The following PRKCE variants were observed in gnomAD, a reference collection of about 807,000 sequenced individuals.
PRKCE encodes protein kinase C epsilon type.
A neutral mutation model predicts 85.4 loss-of-function variants in PRKCE; 16 were observed. That is an observed-to-expected ratio of 0.19 (90% CI 0.13 to 0.28). The LOEUF is 0.28. Ranked by LOEUF, PRKCE falls within the 10% of genes least tolerant of loss-of-function variation. The pLI, the probability that PRKCE is intolerant of heterozygous loss-of-function variation, is 1.00. For synonymous variants in PRKCE, 388 were observed against 371.5 expected (o/e 1.04, Z -0.51); for missense variants, 573 against 975.2 (o/e 0.59, Z 5.49).
chr2:45,831,681 A>G (rs1448862853), intron 1 of PRKCE, among the ~76,000 whole-genome samples: 1 of 152,242 alleles, frequency 6.6e-6, no homozygotes, highest in Non-Finnish European at 1.5e-5. Flanking sequence ...ATAAGAAATC[A>G]GGAAATTGAG....
intron 10 of PRKCE, among the ~76,000 whole-genome samples, chr2:46,017,946 T>G (rs1163113871): frequency 6.6e-6 from 1 of 152,202 alleles, no homozygotes; most frequent in Admixed American, 6.5e-5. Context: ...TGTCCTCCTG[T>G]CCAAATTCTC....
At chr2:46,054,362 G>C (rs1435356970) in intron 10 of PRKCE, among the ~76,000 whole-genome samples, 1 of 152,192 alleles carries the variant, frequency 6.6e-6, no homozygotes, top group Non-Finnish European at 1.5e-5. Flanking sequence ...GACATTAAGT[G>C]ATTCCTTCAA....
chr2:45,701,930 C>A (rs1160807311), intron 1 of PRKCE, among the ~76,000 whole-genome samples: 1 of 152,188 alleles, frequency 6.6e-6, no homozygotes, highest in African/African-American at 2.4e-5. Context: ...CGGTGGCTCA[C>A]ACCTGTAATC....
At chr2:45,830,235 C>G (rs897235236) in intron 1 of PRKCE, among the ~76,000 whole-genome samples, 2 of 151,974 alleles carry the variant, frequency 1.3e-5, no homozygotes, top group African/African-American at 4.8e-5. Flanking sequence ...CCATCTAACC[C>G]TATGGCACAT....
chr2:46,029,678 C>G (rs954957405), intron 10 of PRKCE, among the ~76,000 whole-genome samples: 2 of 128,722 alleles, frequency 1.6e-5, no homozygotes, highest in East Asian at 2.0e-4. Context: ...GGTTTGTCGT[C>G]GTATGGGTTT....
At chr2:46,022,633 A>G (rs1311860872) in intron 10 of PRKCE, among the ~76,000 whole-genome samples, 1 of 152,254 alleles carries the variant, frequency 6.6e-6, no homozygotes, top group African/African-American at 2.4e-5. Flanking sequence ...GTTATTTTAC[A>G]TCAGGGTTCC....
At chr2:45,857,435 G>T (rs1692766732) in intron 2 of PRKCE, among the ~76,000 whole-genome samples, 1 of 152,218 alleles carries the variant, frequency 6.6e-6, no homozygotes, top group African/African-American at 2.4e-5. Flanking sequence ...ACCTGCTTAA[G>T]TTCTGGAAGG....
At chr2:45,671,892 C>G (rs936506781) in intron 1 of PRKCE, among the ~76,000 whole-genome samples, 1 of 151,992 alleles carries the variant, frequency 6.6e-6, no homozygotes, top group Non-Finnish European at 1.5e-5. Flanking sequence ...AAGACACTGT[C>G]TCTACAAAAA....
intron 1 of PRKCE, among the ~76,000 whole-genome samples, chr2:45,678,088 T>C (rs1184975132): frequency 1.3e-5 from 2 of 152,238 alleles, no homozygotes; most frequent in African/African-American, 4.8e-5. Context: ...TATACTTACT[T>C]GGTTTCTCTG....
At position 46,159,521 on chromosome 2, in the gene PRKCE, G is replaced by A. The variant is rs1302789590; in HGVS notation, c.1921-85G>A. The A allele has an allele frequency of 2.1e-6, 3 of 1,416,556 alleles. No individual in the cohort carries two copies. The highest frequency in any genetic ancestry group is 2.8e-6 in the Non-Finnish European group (3 of 1,070,964). 87.7% of individuals were successfully genotyped at this position (1,416,556 alleles called of 1,614,324 possible). The stretch of plus-strand genomic sequence containing the variant: ...CTTGGGAGGCGATGCTGAAGATGCT[G>A]CTTTGGCTGACCTCCATCTGTCCCT... On this transcript the variant is annotated intron_variant, in intron 13 of 14. Coordinates refer to ENST00000306156, the MANE Select transcript of PRKCE (RefSeq NM_005400.3). This position sits in a 1 kb window ranked among gnomAD's most constrained non-coding sequence, Gnocchi z 4.1.
chr2:46,095,187 C>T (rs933592541), intron 11 of PRKCE, among the ~76,000 whole-genome samples: 1 of 152,142 alleles, frequency 6.6e-6, no homozygotes, highest in Non-Finnish European at 1.5e-5. Flanking sequence ...CTGGGTGGCC[C>T]ACTTAGTTGG....
chr2:45,882,091 AATT>A (rs1295707859), intron 2 of PRKCE, among the ~76,000 whole-genome samples: 1 of 152,184 alleles, frequency 6.6e-6, no homozygotes, highest in Non-Finnish European at 1.5e-5. Context: ...TTAGAAATGA[AATT>A]AAGGTGTTAT....
intron 2 of PRKCE, among the ~76,000 whole-genome samples, chr2:45,921,226 A>G (rs1422960523): frequency 1.3e-5 from 2 of 152,244 alleles, no homozygotes; most frequent in Non-Finnish European, 2.9e-5. Context: ...TAGAATTCCT[A>G]AAGTTCTTGG....
At chr2:45,935,634 A>G (rs1027413826) in intron 2 of PRKCE, among the ~76,000 whole-genome samples, 1 of 152,130 alleles carries the variant, frequency 6.6e-6, no homozygotes, top group East Asian at 1.9e-4. Flanking sequence ...TAAAAATACA[A>G]AAATCAGCTG....
chr2:45,936,807 C>T (rs866692959), intron 2 of PRKCE, among the ~76,000 whole-genome samples: 6 of 152,106 alleles, frequency 3.9e-5, no homozygotes, highest in African/African-American at 1.2e-4. Context: ...GGGAATGTCT[C>T]CTCCCGGCTC....
intron 10 of PRKCE, among the ~76,000 whole-genome samples, chr2:46,082,629 G>C (rs187127875): frequency 6.6e-6 from 1 of 152,164 alleles, no homozygotes; most frequent in African/African-American, 2.4e-5. Flanking sequence ...AGTGAGGATG[G>C]GGAGCATCTG....
chr2:45,698,727 A>G (rs1678362866), intron 1 of PRKCE, among the ~76,000 whole-genome samples: 1 of 152,162 alleles, frequency 6.6e-6, no homozygotes, highest in South Asian at 2.1e-4. Flanking sequence ...CATGTATCCT[A>G]GGAAGCCATC....
Position 45,939,052 on chromosome 2 carries a change from G to A in PRKCE, c.413-37377G>A, listed in dbSNP as rs182458589. Among the ~76,000 whole-genome samples the A allele has an allele frequency of 5.5e-3, 841 of 152,292 alleles. 4 individuals are homozygous for A. Among genetic ancestry groups the A allele is most frequent in the Non-Finnish European group, 9.0e-3 (610 of 68,018 alleles). ...CTGTCCCAGTGAAATCCAGCCCACA[G>A]CACCCTGCCAGGGTGGAGGAGGTGC... On this transcript the variant is annotated intron_variant, in intron 2 of 14. Transcript: ENST00000306156.
At chr2:46,162,915 C>T (rs1319444246) in intron 14 of PRKCE, among the ~76,000 whole-genome samples, 1 of 152,216 alleles carries the variant, frequency 6.6e-6, no homozygotes, top group Non-Finnish European at 1.5e-5. Context: ...GTCAATGGCA[C>T]CAGCCCGAGT....
Sources: gnomAD v4.1 joint callset for allele counts (sites outside exome capture counted in the v4.1 genomes callset) on GRCh38, gnomAD v4.1.1 for gene constraint, Gnocchi (gnomAD v3.1) non-coding constraint, MANE v1.5 for transcripts, NCBI Gene and HGNC (gene_info 2026-07-23, HGNC 2026-07-21) for gene names.